TRPM3: variants seen among roughly 807,000 people sequenced by gnomAD.
TRPM3 encodes the protein long transient receptor potential channel 3.
In TRPM3, 77 loss-of-function variants were observed where a neutral mutation model predicts 181.2. That is an observed-to-expected ratio of 0.42 (90% CI 0.35 to 0.51). TRPM3 has a LOEUF of 0.51. Ranked by LOEUF, TRPM3 falls within the 20% of genes least tolerant of loss-of-function variation. The pLI, the probability that TRPM3 is intolerant of heterozygous loss-of-function variation, is 0.01. For missense variants in TRPM3, 1,759 were observed against 2,196.7 expected (o/e 0.80, Z 3.98); for synonymous variants, 745 against 796.4 (o/e 0.94, Z 1.09).
chr9:71,168,144 T>A (rs1329681322), intron 1 of TRPM3, among the ~76,000 whole-genome samples: 1 of 152,170 alleles, frequency 6.6e-6, no homozygotes, highest in Non-Finnish European at 1.5e-5. Context: ...ATTATTTGCA[T>A]GATAATCTTG....
chr9:71,287,002 T>C (rs1444614059), intron 1 of TRPM3, among the ~76,000 whole-genome samples: 1 of 141,330 alleles, frequency 7.1e-6, no homozygotes, highest in African/African-American at 2.6e-5. Flanking sequence ...TATTATATAA[T>C]ATACAACATA....
chr9:71,122,791 C>T (rs543050139), upstream of TRPM3, among the ~76,000 whole-genome samples: 16 of 152,276 alleles, frequency 1.1e-4, 1 homozygote, highest in South Asian at 2.7e-3. Context: ...AACTAGTCCA[C>T]GGGTGGAAGG....
chr9:70,877,804 A>AACACACACACACACACAC (rs5898169), intron 1 of TRPM3, among the ~76,000 whole-genome samples: 3,868 of 146,160 alleles, frequency 0.026, 60 homozygotes, highest in South Asian at 0.041. Flanking sequence ...AAAATCATAA[A>AACACACACACACACACAC]ACACACACAC....
intron 8 of TRPM3, among the ~76,000 whole-genome samples, chr9:70,748,491 T>C (rs1233856893): frequency 1.3e-5 from 2 of 152,164 alleles, no homozygotes; most frequent in Non-Finnish European, 2.9e-5. Context: ...ATTTGAATAT[T>C]TGTGTCTCCT....
At chr9:70,791,066 C>T in intron 6 of TRPM3, among the ~76,000 whole-genome samples, 1 of 152,088 alleles carries the variant, frequency 6.6e-6, no homozygotes, top group East Asian at 1.9e-4. Flanking sequence ...TGGATATTGC[C>T]TTCACGTTAT....
rs573061089 is a variant in TRPM3 at position 70,786,409 on chromosome 9, C to T, written c.974-2130G>A. ...CTGAAGCTGGAGAATTGCTTGATCC[C>T]GGGAGGCAGAGGCTGTAGTGAGCCA... On this transcript the variant is annotated intron_variant, in intron 6 of 25. Coordinates refer to ENST00000677713, the MANE Select transcript of TRPM3 (RefSeq NM_001366145.2). 9.9e-5 allele frequency among the ~76,000 whole-genome samples: 15 copies of T among 151,492 alleles called. No individual in the cohort carries two copies. The South Asian group carries it at 1.5e-3, about 15-fold the overall frequency.
At chr9:70,996,199 A>G in intron 1 of TRPM3, among the ~76,000 whole-genome samples, 1 of 152,228 alleles carries the variant, frequency 6.6e-6, no homozygotes, top group East Asian at 1.9e-4. Context: ...ACACATATTT[A>G]TAGAACCAGA....
At chr9:71,118,880 T>C (rs2134341454) in intron 1 of TRPM3, among the ~76,000 whole-genome samples, 1 of 152,258 alleles carries the variant, frequency 6.6e-6, no homozygotes, top group South Asian at 2.1e-4. Flanking sequence ...ATATTTCATT[T>C]CTAGATTAAG....
At chr9:71,162,564 A>T (rs934261240) in intron 1 of TRPM3, among the ~76,000 whole-genome samples, 1 of 152,162 alleles carries the variant, frequency 6.6e-6, no homozygotes, top group Non-Finnish European at 1.5e-5. Flanking sequence ...GGTCCTCAAA[A>T]CTAAGAGGAT....
intron 1 of TRPM3, among the ~76,000 whole-genome samples, chr9:70,907,085 TATA>T (rs1382433493): frequency 6.6e-6 from 1 of 152,230 alleles, no homozygotes; most frequent in African/African-American, 2.4e-5. Flanking sequence ...TTGAAAACAG[TATA>T]ATTTTACTTA....
chr9:71,006,828 G>A (rs1434278849), intron 1 of TRPM3, among the ~76,000 whole-genome samples: 4 of 139,816 alleles, frequency 2.9e-5, no homozygotes, highest in Non-Finnish European at 3.0e-5. Context: ...CCGAGATCGC[G>A]CCACTGCACT....
At chr9:70,941,474 T>A (rs186184272) in intron 1 of TRPM3, among the ~76,000 whole-genome samples, 6 of 152,338 alleles carry the variant, frequency 3.9e-5, no homozygotes. Context: ...GCTTCCTTGC[T>A]CCTCAGCATG....
chr9:71,365,308 C>T (rs2092298877), intron 1 of TRPM3, among the ~76,000 whole-genome samples: 1 of 152,160 alleles, frequency 6.6e-6, no homozygotes, highest in African/African-American at 2.4e-5. Context: ...CCCCAGGCTG[C>T]ATGTAAAGAT....
chr9:70,818,760 T>A (rs1348905256), intron 6 of TRPM3, among the ~76,000 whole-genome samples: 1 of 152,246 alleles, frequency 6.6e-6, no homozygotes, highest in Non-Finnish European at 1.5e-5. Flanking sequence ...TTTTCAAATA[T>A]GCTGAGAGCT....
At chr9:70,539,760 T>C (rs1308432109) in intron 25 of TRPM3, among the ~76,000 whole-genome samples, 1 of 152,232 alleles carries the variant, frequency 6.6e-6, no homozygotes, top group African/African-American at 2.4e-5. Flanking sequence ...GAATTACTTT[T>C]TCACTATCTA....
intron 1 of TRPM3, among the ~76,000 whole-genome samples, chr9:71,414,198 G>A (rs2093604374): frequency 6.6e-6 from 1 of 152,092 alleles, no homozygotes; most frequent in Non-Finnish European, 1.5e-5. Flanking sequence ...CTATTAAGAT[G>A]AAGAAAGATT....
At chr9:71,262,768 TC>T (rs2083151401) in intron 1 of TRPM3, among the ~76,000 whole-genome samples, 1 of 152,044 alleles carries the variant, frequency 6.6e-6, no homozygotes, top group African/African-American at 2.4e-5. Flanking sequence ...CCTCACAGCT[TC>T]CCTTGGCTAG....
intron 7 of TRPM3, chr9:70,783,812 G>T: frequency 9.7e-7 from 1 of 1,034,400 alleles, no homozygotes; most frequent in Non-Finnish European, 1.2e-6. Context: ...GGGAGGAGGA[G>T]AAGGAGATAC....
chr9:70,886,797 T>G (rs1256615369), intron 1 of TRPM3, among the ~76,000 whole-genome samples: 2 of 152,074 alleles, frequency 1.3e-5, no homozygotes, highest in African/African-American at 4.8e-5. Context: ...CCTGTGTAGC[T>G]GGGATTATAG....
Sources: gnomAD v4.1 joint callset for allele counts (sites outside exome capture counted in the v4.1 genomes callset) on GRCh38, gnomAD v4.1.1 for gene constraint, MANE v1.5 for transcripts, NCBI Gene and HGNC (gene_info 2026-07-23, HGNC 2026-07-21) for gene names.